The following ARHGEF2 variants were observed in gnomAD, a reference collection of about 807,000 sequenced individuals.
ARHGEF2 encodes rho guanine nucleotide exchange factor 2.
A neutral mutation model predicts 121.0 loss-of-function variants in ARHGEF2; 22 were observed. The observed-to-expected ratio is 0.18, with a 90% CI of 0.13 to 0.26. The LOEUF (loss-of-function observed/expected upper bound fraction) is 0.26. Ranked by LOEUF, ARHGEF2 falls within the 10% of genes least tolerant of loss-of-function variation. The pLI is 1.00. For synonymous variants in ARHGEF2, 487 were observed against 530.0 expected (o/e 0.92, Z 1.11); for missense variants, 907 against 1,336.0 (o/e 0.68, Z 5.01).
chr1:155,970,275 T>C, intron 1 of ARHGEF2: 1 of 985,596 alleles, frequency 1.0e-6, no homozygotes, highest in Non-Finnish European at 1.2e-6. Flanking sequence ...CCATCTCTGC[T>C]GTCTCCCATT....
chr1:155,972,876 AT>A (rs1316170413), intron 1 of ARHGEF2, among the ~76,000 whole-genome samples: 2 of 151,142 alleles, frequency 1.3e-5, no homozygotes, highest in Admixed American at 6.6e-5. Flanking sequence ...TAATTTTTAA[AT>A]TTTTTTTGTA....
chr1:155,966,503 A>G, intron 3 of ARHGEF2, 24 bp from the exon 4 acceptor site: 2 of 1,613,762 alleles, frequency 1.2e-6, no homozygotes, highest in Non-Finnish European at 1.7e-6. Flanking sequence ...AGCAGGAGAG[A>G]GATACCAAGA....
chr1:155,958,288 G>A (rs761142069), intron 12 of ARHGEF2, 32 bp downstream of exon 12: 2 of 1,583,076 alleles, frequency 1.3e-6, no homozygotes, highest in African/African-American at 1.3e-5. Flanking sequence ...ACACTTGTCT[G>A]TGCTGAGAAA....
upstream of ARHGEF2, chr1:155,978,709 G>A (rs531269257): frequency 2.2e-4 from 194 of 875,516 alleles, no homozygotes; most frequent in African/African-American, 3.0e-3. The surrounding 1 kb of genome is among the most constrained non-coding windows in gnomAD (Gnocchi z 4.1). Context: ...GAGGGTCCTA[G>A]GACAGGTTTG....
intron 2 of ARHGEF2, among the ~76,000 whole-genome samples, chr1:155,967,651 C>T (rs1438865393): frequency 6.6e-6 from 1 of 152,146 alleles, no homozygotes; most frequent in African/African-American, 2.4e-5. Context: ...TCCTGTTCCC[C>T]CAACTCAGGC....
Position 155,965,317 on chromosome 1 carries a change from G to T in ARHGEF2, c.566C>A (p.Ser189Tyr), listed in dbSNP as rs952027237. The T allele has an allele frequency of 1.2e-6, 2 of 1,614,056 alleles. No homozygotes were observed. Among genetic ancestry groups the T allele is most frequent in the Non-Finnish European group, 1.7e-6 (2 of 1,180,000 alleles). Residue 189 changes from serine (S) to tyrosine (Y), a missense_variant, in exon 6 of 22, where the codon TCC becomes TAC. Transcript: ENST00000361247. The surrounding 1 kb of genome is among the most constrained non-coding windows in gnomAD (Gnocchi z 6.0). Reference sequence around the variant, plus strand: ...GGCCTGCTCACCTTCGTCAATGAGGGATTCCACGGATAGGGTTCGGTTCCG... The same window carrying T: ...GGCCTGCTCACCTTCGTCAATGAGGTATTCCACGGATAGGGTTCGGTTCCG... ...NMRNRTLSVE[S>Y]LIDEAEVIYS...
chr1:155,968,020 C>T (rs1202289978), intron 2 of ARHGEF2, among the ~76,000 whole-genome samples: 1 of 151,532 alleles, frequency 6.6e-6, no homozygotes, highest in South Asian at 2.1e-4. Context: ...ATTGAACCTC[C>T]GCTTTCCACC....
rs1047244479 is a variant in ARHGEF2, at chr1:155,947,273, C to A, written c.*669G>T. 1 of 425,774 alleles carries A rather than the reference C, an allele frequency of 2.3e-6. No homozygotes were observed. Among genetic ancestry groups the A allele is most frequent in the African/African-American group, 2.1e-5 (1 of 48,344 alleles). 26.4% of individuals were successfully genotyped at this position (425,774 alleles called of 1,614,324 possible). A position where few individuals can be genotyped will look rare whatever the true frequency, so the allele number is the denominator to read the frequency against. On this transcript the variant is annotated 3_prime_UTR_variant, in exon 22 of 22. Coordinates refer to ENST00000361247, the MANE Select transcript of ARHGEF2 (RefSeq NM_001162383.2). ...AAAAGAAAACAAAAGAACAACAAAA[C>A]ATTCTGGTCCCTGTGGGTTTTTTCC...
chr1:155,950,770 C>T lies in ARHGEF2; in HGVS notation c.2703+59G>A, dbSNP rs377595086. On this transcript the variant is annotated intron_variant, in intron 20 of 21. Coordinates refer to ENST00000361247, the MANE Select transcript of ARHGEF2 (RefSeq NM_001162383.2). This position sits in a 1 kb window ranked among gnomAD's most constrained non-coding sequence, Gnocchi z 5.2. Reference sequence around the variant, plus strand: ...AAATCCCCAATGGCCCAATTTCTTTCGGGCTCCATGGACCCTTATGTCCAC... The same window carrying T: ...AAATCCCCAATGGCCCAATTTCTTTTGGGCTCCATGGACCCTTATGTCCAC... 1.4e-5 allele frequency: 21 copies of T among 1,483,010 alleles called. No homozygotes were observed. The highest frequency in any genetic ancestry group is 4.6e-5 in the Admixed American group (2 of 43,816). 91.9% of individuals were successfully genotyped at this position (1,483,010 alleles called of 1,614,324 possible).
At chr1:155,971,103 G>C in intron 1 of ARHGEF2, 1 of 985,674 alleles carries the variant, frequency 1.0e-6, no homozygotes, top group Non-Finnish European at 1.2e-6. Flanking sequence ...CCTCACGCAG[G>C]CCAACTGCTC....
intron 2 of ARHGEF2, among the ~76,000 whole-genome samples, chr1:155,967,102 T>C (rs1461912443): frequency 6.6e-6 from 1 of 151,994 alleles, no homozygotes; most frequent in African/African-American, 2.4e-5. Context: ...AGGTGCTGAA[T>C]GAAATTAAAC....
At chr1:155,959,453 G>C (rs927239306) in intron 11 of ARHGEF2, among the ~76,000 whole-genome samples, 1 of 152,090 alleles carries the variant, frequency 6.6e-6, no homozygotes, top group African/African-American at 2.4e-5. Context: ...TCACCACGTT[G>C]GCCAGGCTGG....
In ARHGEF2 at chr1:155,947,003, T is replaced by C. The variant is rs1674528693; in HGVS notation, c.*939A>G. 6.5e-6 allele frequency: 1 copy of C among 154,156 alleles called. No homozygotes were observed. The highest frequency in any genetic ancestry group is 2.4e-5 in the African/African-American group (1 of 41,412). The allele number at this position is 154,156 out of a possible 1,614,324, so 9.5% of individuals were successfully genotyped here. ...CCCAAATTCACGCTGAGGTTTCAGG[T>C]CATGGTTGCTGAGGTGGAAGATGAG... is the stretch of plus-strand genomic sequence containing the variant. On this transcript the variant is annotated 3_prime_UTR_variant, in exon 22 of 22. Transcript: ENST00000361247.
intron 1 of ARHGEF2, chr1:155,969,735 C>T (rs1680114484): frequency 4.0e-6 from 4 of 997,340 alleles, no homozygotes; most frequent in Non-Finnish European, 4.8e-6. Context: ...GCTTTCCAAT[C>T]TATGGGAGTT....
chr1:155,974,855 G>GA (rs1428269667), intron 1 of ARHGEF2, among the ~76,000 whole-genome samples: 1 of 151,644 alleles, frequency 6.6e-6, no homozygotes, highest in Non-Finnish European at 1.5e-5. Flanking sequence ...GAAAGAGAGG[G>GA]GGGGTAAGCG....
chr1:155,964,141 C>T (rs1678573703), intron 7 of ARHGEF2, among the ~76,000 whole-genome samples: 1 of 54,174 alleles, frequency 1.8e-5, no homozygotes. Flanking sequence ...CAAGACTCTG[C>T]TTCAAAAAAA....
intron 21 of ARHGEF2, among the ~76,000 whole-genome samples, chr1:155,948,848 G>A (rs868846623): frequency 4.6e-5 from 7 of 152,166 alleles, no homozygotes; most frequent in East Asian, 3.9e-4. Context: ...GAGCAATCAC[G>A]GAGTACTGTC....
intron 7 of ARHGEF2, 134 bp from the exon 8 acceptor site, chr1:155,963,317 CT>C: frequency 1.5e-6 from 1 of 654,186 alleles, no homozygotes; most frequent in Non-Finnish European, 2.5e-6. Flanking sequence ...TTATTATGAT[CT>C]TAGATACTTT....
chr1:155,949,579 C>CAA (rs577392240), intron 21 of ARHGEF2, among the ~76,000 whole-genome samples: 1 of 129,948 alleles, frequency 7.7e-6, no homozygotes. Flanking sequence ...AATTCCATCT[C>CAA]AAAAAAAAAA....
Sources: allele counts gnomAD v4.1 joint callset (sites outside exome capture counted in the v4.1 genomes callset), GRCh38; gene constraint gnomAD v4.1.1; non-coding constraint Gnocchi (gnomAD v3.1); transcripts MANE v1.5; gene names NCBI Gene and HGNC (gene_info 2026-07-23, HGNC 2026-07-21).